COPS2: variants seen among roughly 807,000 people sequenced by gnomAD.
COPS2 encodes the protein COP9 signalosome subunit 2, also known as COP9 signalosome complex subunit 2.
Under a neutral mutation model 66.1 loss-of-function variants are expected in COPS2, and 10 were observed. The observed-to-expected ratio is 0.15, with a 90% CI of 0.09 to 0.26. The LOEUF (loss-of-function observed/expected upper bound fraction) is 0.26. Among genes scored for constraint, COPS2 ranks in the 10% least tolerant of loss-of-function variants. COPS2 has a pLI of 1.00. For missense variants in COPS2, 215 were observed against 513.3 expected, an observed-to-expected ratio of 0.42 and a Z score of 5.62; for synonymous variants, 179 against 171.3, an observed-to-expected ratio of 1.04 and a Z score of -0.35.
rs1223716331 is a variant in COPS2 at position 49,126,963 on chromosome 15, G to C, written c.*987C>G. On this transcript the variant is annotated 3_prime_UTR_variant, in exon 13 of 13. Transcript: ENST00000388901. ...ACTCAGCAGGTTTTGGGCAATGGTA[G>C]ATTGCTGGCATTAGGAAATAACCTT... 1 of 152,120 alleles carries C rather than the reference G, an allele frequency of 6.6e-6. No individual in the cohort carries two copies. The highest frequency in any genetic ancestry group is 1.5e-5 in the Non-Finnish European group (1 of 67,986). 9.4% of individuals were successfully genotyped at this position (152,120 alleles called of 1,614,324 possible). A position where few individuals can be genotyped will look rare whatever the true frequency, so the allele number is the denominator to read the frequency against.
chr15:49,132,990 T>A (rs1211982068), intron 9 of COPS2, among the ~76,000 whole-genome samples: 1 of 147,074 alleles, frequency 6.8e-6, no homozygotes, highest in African/African-American at 2.5e-5. Context: ...TTGTAAACAT[T>A]TTTTTTTTTT....
chr15:49,129,682 G>A (rs1403415310), intron 10 of COPS2, 123 bp from the exon 11 acceptor site: 5 of 432,894 alleles, frequency 1.2e-5, no homozygotes, highest in African/African-American at 1.0e-4. Flanking sequence ...GATATAAAGT[G>A]TTTAGATTTT....
At chr15:49,143,948 T>G (rs2084305088) in intron 3 of COPS2, among the ~76,000 whole-genome samples, 2 of 151,332 alleles carry the variant, frequency 1.3e-5, no homozygotes, top group South Asian at 4.2e-4. Flanking sequence ...ATTGCACCAT[T>G]GCACTCCAGC....
At chr15:49,149,983 T>C (rs2084347172) in intron 1 of COPS2, among the ~76,000 whole-genome samples, 1 of 151,944 alleles carries the variant, frequency 6.6e-6, no homozygotes, top group African/African-American at 2.4e-5. Flanking sequence ...AAATTAGAAT[T>C]AAAAAACAAA....
chr15:49,133,519 G>GCAGA (rs965344745), intron 9 of COPS2, among the ~76,000 whole-genome samples: 1 of 151,780 alleles, frequency 6.6e-6, no homozygotes, highest in Admixed American at 6.6e-5. Flanking sequence ...TCGTGCGTGC[G>GCAGA]CAGACAGACA....
chr15:49,155,427 C>A (rs971671099), intron 1 of COPS2, 98 bp downstream of exon 1: 5 of 1,099,774 alleles, frequency 4.5e-6, no homozygotes, highest in African/African-American at 1.5e-5. Context: ...AGGCTGTAAA[C>A]GGCACATGCT....
intron 9 of COPS2, among the ~76,000 whole-genome samples, chr15:49,132,433 T>C (rs1459338779): frequency 1.3e-5 from 2 of 151,642 alleles, no homozygotes; most frequent in Admixed American, 6.6e-5. Flanking sequence ...TTTAATATCA[T>C]GAAATAAGCT....
chr15:49,142,502 T>C (rs2084295553), intron 3 of COPS2, among the ~76,000 whole-genome samples: 1 of 152,130 alleles, frequency 6.6e-6, no homozygotes, highest in Non-Finnish European at 1.5e-5. Flanking sequence ...GGAGGAAACA[T>C]ATCATATGGG....
At chr15:49,139,795 T>C (rs1342645349) in intron 3 of COPS2, 142 bp from the exon 4 acceptor site, 1 of 597,574 alleles carries the variant, frequency 1.7e-6, no homozygotes, top group Non-Finnish European at 2.8e-6. Context: ...AGAGGAACTA[T>C]GTATGACAGG....
chr15:49,139,226 A>G, intron 4 of COPS2: 1 of 219,870 alleles, frequency 4.5e-6, no homozygotes, highest in South Asian at 8.0e-5. Context: ...GTGTTAATGT[A>G]GTTTATTAGA....
At chr15:49,135,180 A>C (rs1435932509) in intron 6 of COPS2, among the ~76,000 whole-genome samples, 1 of 152,212 alleles carries the variant, frequency 6.6e-6, no homozygotes, top group African/African-American at 2.4e-5. Flanking sequence ...TGACCACAGG[A>C]AACTGAAATT....
At chr15:49,154,155 C>A (rs1296040187) in intron 1 of COPS2, among the ~76,000 whole-genome samples, 2 of 151,862 alleles carry the variant, frequency 1.3e-5, no homozygotes, top group African/African-American at 4.8e-5. Flanking sequence ...GTACAAAATA[C>A]TATGAATCAA....
At chr15:49,146,622 T>C (rs750665010) in intron 1 of COPS2, among the ~76,000 whole-genome samples, 8 of 152,222 alleles carry the variant, frequency 5.3e-5, no homozygotes, top group Admixed American at 2.0e-4. Context: ...CCTTATTGAC[T>C]CTACCTTCAA....
intron 7 of COPS2, 113 bp downstream of exon 7, chr15:49,134,227 A>T (rs1291347221): frequency 5.0e-6 from 7 of 1,394,194 alleles, no homozygotes; most frequent in East Asian, 2.3e-5. Flanking sequence ...AAATTCTGTA[A>T]CTTGAATACT....
At chr15:49,128,566 T>C (rs2084185634) in intron 12 of COPS2, 136 bp downstream of exon 12, 8 of 588,928 alleles carry the variant, frequency 1.4e-5, no homozygotes, top group South Asian at 2.5e-5. Flanking sequence ...CACATACATA[T>C]ATATCTCTTC....
In COPS2 at chr15:49,145,010, T is replaced by C. The variant is rs2084312193; in HGVS notation, c.123A>G (p.Ala41=). ...DLENQYYNSK[A]LKEDDPKAAL... Reference sequence around the variant, plus strand: ...CCGCTTTTGGGTCATCTTCTTTTAATGCTTTGGAATTATAGTACTGATTTT... The same window carrying C: ...CCGCTTTTGGGTCATCTTCTTTTAACGCTTTGGAATTATAGTACTGATTTT... The change falls in exon 2 of 13, where the codon GCA becomes GCG. Residue 41 remains alanine, a synonymous_variant. Transcript: ENST00000388901. 6.2e-7 allele frequency: 1 copy of C among 1,605,358 alleles called. No individual in the cohort carries two copies. The highest frequency in any genetic ancestry group is 8.5e-7 in the Non-Finnish European group (1 of 1,176,606).
At chr15:49,134,919 T>C (rs545527719) in intron 6 of COPS2, among the ~76,000 whole-genome samples, 1 of 152,150 alleles carries the variant, frequency 6.6e-6, no homozygotes, top group Non-Finnish European at 1.5e-5. Flanking sequence ...AATCATTTTT[T>C]CCCCTCATCA....
chr15:49,142,449 T>C (rs1242618555), intron 3 of COPS2, among the ~76,000 whole-genome samples: 1 of 152,188 alleles, frequency 6.6e-6, no homozygotes, highest in African/African-American at 2.4e-5. Context: ...TTAACCTGGA[T>C]ACAAGTACTA....
At chr15:49,145,624 C>T (rs2084315560) in intron 1 of COPS2, among the ~76,000 whole-genome samples, 1 of 152,056 alleles carries the variant, frequency 6.6e-6, no homozygotes, top group Non-Finnish European at 1.5e-5. Flanking sequence ...CACTATACAA[C>T]AGCTGTTTAT....
Sources: allele counts gnomAD v4.1 joint callset (sites outside exome capture counted in the v4.1 genomes callset), GRCh38; gene constraint gnomAD v4.1.1; transcripts MANE v1.5; gene names NCBI Gene and HGNC (gene_info 2026-07-23, HGNC 2026-07-21).